Variants in BRD2 observed in about 807,000 individuals in gnomAD.
The protein encoded by BRD2 is bromodomain-containing protein 2.
Under a neutral mutation model 79.1 loss-of-function variants are expected in BRD2, and 15 were observed. The observed-to-expected ratio is 0.19, with a 90% CI of 0.13 to 0.29. The LOEUF (loss-of-function observed/expected upper bound fraction) is 0.29, where lower values mean the gene tolerates loss of function less well. BRD2 is among the 10% of genes least tolerant of loss of function. The pLI is 1.00. For synonymous variants in BRD2, 488 were observed against 358.6 expected, an observed-to-expected ratio of 1.36 and a Z score of -4.08; for missense variants, 1,053 against 991.3, an observed-to-expected ratio of 1.06 and a Z score of -0.84.
intron 1 of BRD2, among the ~76,000 whole-genome samples, chr6:32,969,648 G>A (rs746519551): frequency 1.6e-4 from 25 of 152,236 alleles, no homozygotes; most frequent in Admixed American, 4.6e-4. Context: ...GGCCTGTGGG[G>A]CCTTTTGCCC....
At chr6:32,976,983 C>A in intron 7 of BRD2, 47 bp downstream of exon 7, 1 of 1,555,406 alleles carries the variant, frequency 6.4e-7, no homozygotes, top group South Asian at 1.2e-5. Context: ...GTGATGGGAG[C>A]CTAGGTGCAA....
chr6:32,978,747 C>T (rs916658840), intron 10 of BRD2: 8 of 291,788 alleles, frequency 2.7e-5, no homozygotes, highest in Middle Eastern at 1.0e-3. Context: ...GCCCACATGC[C>T]GGCTGTTCAC....
chr6:32,970,921 GCCT>G (rs1360520000), intron 1 of BRD2: 2 of 150,538 alleles, frequency 1.3e-5, no homozygotes, highest in Non-Finnish European at 2.9e-5. Flanking sequence ...CGCAGCCGCC[GCCT>G]CCTCCGCTCG....
intron 8 of BRD2, 76 bp from the exon 9 acceptor site, chr6:32,977,681 G>A (rs1053864295): frequency 1.2e-6 from 2 of 1,603,634 alleles, no homozygotes; most frequent in African/African-American, 1.3e-5. Flanking sequence ...GTTGTAAATT[G>A]GAGCTATATC....
Position 32,969,331 on chromosome 6 carries a change from G to T in BRD2, c.-1305+275G>T, listed in dbSNP as rs890288990. 4 of 716,716 alleles carry T rather than the reference G, an allele frequency of 5.6e-6. No homozygotes were observed. In the African/African-American group the frequency reaches 7.0e-5, roughly 13 times the overall value. The allele number at this position is 716,716 out of a possible 1,614,324, so 44.4% of individuals were successfully genotyped here. On this transcript the variant is annotated intron_variant, in intron 1 of 12. Transcript: ENST00000374825. Reference sequence around the variant, plus strand: ...CCCCCCTATTCCATTCGTCCCCTGGGGGTACAGCAGCCGGGAGCCAGGTGA... The same window carrying T: ...CCCCCCTATTCCATTCGTCCCCTGGTGGTACAGCAGCCGGGAGCCAGGTGA...
Position 32,976,543 on chromosome 6 carries a change from A to G in BRD2, c.826-19A>G, listed in dbSNP as rs565899446. The G allele has an allele frequency of 4.4e-6, 7 of 1,591,536 alleles. No homozygotes were observed. Among genetic ancestry groups the G allele is most frequent in the African/African-American group, 2.7e-5 (2 of 74,570 alleles). On this transcript the variant is annotated intron_variant, in intron 6 of 12. Coordinates refer to ENST00000374825, the MANE Select transcript of BRD2 (RefSeq NM_005104.4). ...GTGGGCTTGGAGTGACAGGTTCCCT[A>G]TCTTGTTTCTTTCTGCAGAAAAAAG...
At position 32,972,194 on chromosome 6, in the gene BRD2, C is replaced by T. The variant is rs1201553020; in HGVS notation, c.-705C>T. ...TATAAAGGGCTGGCGCGGGGCTCGG[C>T]GGCGCCATTTCGTGCTGGAGTGGAG... On this transcript the variant is annotated 5_prime_UTR_variant, in exon 2 of 13. Coordinates refer to ENST00000374825, the MANE Select transcript of BRD2 (RefSeq NM_005104.4). The T allele has an allele frequency of 9.1e-6, 5 of 550,352 alleles. No homozygotes were observed. Among genetic ancestry groups the T allele is most frequent in the Admixed American group, 8.8e-5 (3 of 34,230 alleles). The allele number at this position is 550,352 out of a possible 1,614,324, so 34.1% of individuals were successfully genotyped here. A position where few individuals can be genotyped will look rare whatever the true frequency, so the allele number is the denominator to read the frequency against.
Position 32,980,597 on chromosome 6 carries a change from A to G in BRD2, c.2285A>G (p.Glu762Gly), listed in dbSNP as rs149549323. The G allele has an allele frequency of 3.0e-5, 49 of 1,613,040 alleles. No individual in the cohort carries two copies. The highest frequency in any genetic ancestry group is 4.0e-5 in the Non-Finnish European group (47 of 1,180,052). ...KPPKKANEKT[E>G]SSSAQQVAVS... ...TGTTCTGCAGCGAATGAGAAAACAG[A>G]GTCATCCTCTGCACAGCAAGTAGCA... Residue 762 changes from glutamate (E) to glycine (G), a missense_variant, in exon 13 of 13, where the codon GAG becomes GGG. Physicochemically the swap from Glu to Gly is moderately conservative, Grantham distance 98. Around this residue, in one of 5 missense-constraint regions of BRD2, gnomAD observed 139 missense variants for 133.2 expected, o/e 1.04. Coordinates refer to ENST00000374825, the MANE Select transcript of BRD2 (RefSeq NM_005104.4).
Position 32,972,066 on chromosome 6 carries a change from G to C in BRD2, c.-833G>C, listed in dbSNP as rs922465441. The C allele has an allele frequency of 3.3e-5, 23 of 699,104 alleles. No individual in the cohort carries two copies. The highest frequency in any genetic ancestry group is 3.2e-4 in the Admixed American group (16 of 49,562). 43.3% of individuals were successfully genotyped at this position (699,104 alleles called of 1,614,324 possible). A position where few individuals can be genotyped will look rare whatever the true frequency, so the allele number is the denominator to read the frequency against. On this transcript the variant is annotated 5_prime_UTR_variant, in exon 2 of 13. Transcript: ENST00000374825. Reference sequence around the variant, plus strand: ...GAGGTGTTCCTTCCCCTTCGACTCAGCTTCTTCACCCGCGTGAGCGAGCGC... The same window carrying C: ...GAGGTGTTCCTTCCCCTTCGACTCACCTTCTTCACCCGCGTGAGCGAGCGC...
chr6:32,976,634 G>T lies in BRD2; in HGVS notation c.898G>T (p.Ala300Ser), dbSNP rs1260256848. ...AGCCATCTTGGCTCCTGGTTCTCCA[G>T]CTAGCCCTCCTGGGAGTCTTGAGCC... ...PTAILAPGSP[A>S]SPPGSLEPKA... The change falls in exon 7 of 13, where the codon GCT (alanine) becomes TCT (serine). Residue 300 changes from alanine (A) to serine (S), a missense_variant. Ala to Ser is a moderately conservative substitution (Grantham distance 99). Transcript: ENST00000374825. The T allele has an allele frequency of 9.3e-6, 15 of 1,612,070 alleles. No individual in the cohort carries two copies. Among genetic ancestry groups the T allele is most frequent in the Non-Finnish European group, 1.1e-5 (13 of 1,179,806 alleles).
Position 32,976,482 on chromosome 6 carries a change from C to G in BRD2, c.825+18C>G. 3.1e-6 allele frequency: 5 copies of G among 1,605,748 alleles called. No individual in the cohort carries two copies. Among genetic ancestry groups the G allele is most frequent in the Non-Finnish European group, 4.2e-6 (5 of 1,179,054 alleles). On this transcript the variant is annotated intron_variant, in intron 6 of 12. Transcript: ENST00000374825. ...TTGCCAAGGTATGATCTGTGGATTTCCTCTGGGCAGCAGGGAGGCAAGGGT... is the reference window on the plus strand; with the variant it reads ...TTGCCAAGGTATGATCTGTGGATTTGCTCTGGGCAGCAGGGAGGCAAGGGT...
At chr6:32,977,024 C>T (rs1158507262) in intron 7 of BRD2, 88 bp downstream of exon 7, 4 of 1,474,122 alleles carry the variant, frequency 2.7e-6, no homozygotes, top group East Asian at 4.6e-5. Context: ...GGGCACACAG[C>T]AGTCTTTGGT....
In BRD2 at chr6:32,976,896, A is replaced by G. The variant is rs755040917; in HGVS notation, c.1160A>G (p.His387Arg). ...TCTGCACTTGGCCTGCATGACTACC[A>G]TGACATCATTAAGCACCCCATGGAC... is the stretch of plus-strand genomic sequence containing the variant. The part of the protein sequence containing the change: ...DASALGLHDY[H>R]DIIKHPMDLS... The change falls in exon 7 of 13, where the codon CAT becomes CGT. Residue 387 changes from histidine (H) to arginine (R), a missense_variant. Physicochemically the swap from His to Arg is conservative, Grantham distance 29. This residue lies in a region of BRD2 where 454 missense variants were observed against 430.5 expected (regional missense o/e 1.05). Coordinates refer to ENST00000374825, the MANE Select transcript of BRD2 (RefSeq NM_005104.4). The G allele has an allele frequency of 1.2e-6, 2 of 1,612,990 alleles. No individual in the cohort carries two copies. Among genetic ancestry groups the G allele is most frequent in the Non-Finnish European group, 1.7e-6 (2 of 1,179,946 alleles).
chr6:32,972,572 C>A lies in BRD2; in HGVS notation c.-327C>A. 1 of 491,734 alleles carries A rather than the reference C, an allele frequency of 2.0e-6. No individual in the cohort carries two copies. The highest frequency in any genetic ancestry group is 3.6e-6 in the Non-Finnish European group (1 of 275,152). The allele number at this position is 491,734 out of a possible 1,614,324, so 30.5% of individuals were successfully genotyped here. A position where few individuals can be genotyped will look rare whatever the true frequency, so the allele number is the denominator to read the frequency against. ...ACAAGAAGAGGGAATCCCTGCAGAC[C>A]AACAGCGGGCTATATTGACGACGGT... is the stretch of plus-strand genomic sequence containing the variant. On this transcript the variant is annotated 5_prime_UTR_variant, in exon 2 of 13. Transcript: ENST00000374825.
chr6:32,969,174 C>A, intron 1 of BRD2, 118 bp downstream of exon 1: 1 of 553,554 alleles, frequency 1.8e-6, no homozygotes, highest in Non-Finnish European at 3.3e-6. Flanking sequence ...AAGATTTGTC[C>A]TTCAAACCTT....
At chr6:32,973,011 A>C (rs931370114) in intron 2 of BRD2, 84 bp downstream of exon 2, 119 of 1,613,098 alleles carry the variant, frequency 7.4e-5, no homozygotes, top group Non-Finnish European at 9.7e-5. Flanking sequence ...GGGAGTACTG[A>C]GCGGCCCCGG....
Position 32,972,099 on chromosome 6 carries a change from CG to C in BRD2, c.-798del, listed in dbSNP as rs1561923244. 1.4e-6 allele frequency: 1 copy of C among 690,550 alleles called. No individual in the cohort carries two copies. Among genetic ancestry groups the C allele is most frequent in the Non-Finnish European group, 2.6e-6 (1 of 378,512 alleles). The allele number at this position is 690,550 out of a possible 1,614,324, so 42.8% of individuals were successfully genotyped here. On this transcript the variant is annotated 5_prime_UTR_variant, in exon 2 of 13. It introduces an in-frame stop codon into an upstream open reading frame of the 5' UTR. Transcript: ENST00000374825. ...ACCCGCGTGAGCGAGCGCGCGCGCG[CG>C]GAGGGGGTGGGGAAAAGCTCAAGCA...
rs757471861 is a variant in BRD2 at position 32,980,394 on chromosome 6, G to A, written c.2199G>A (p.Lys733=). The A allele has an allele frequency of 1.2e-6, 2 of 1,613,100 alleles. No individual in the cohort carries two copies. The highest frequency in any genetic ancestry group is 2.2e-5 in the South Asian group (2 of 91,086). Residue 733 remains lysine (K), a synonymous_variant, in exon 12 of 13, where the codon AAG becomes AAA. Coordinates refer to ENST00000374825, the MANE Select transcript of BRD2 (RefSeq NM_005104.4). ...AGGAGGAACTGGCTTTGGAGAAAAA[G>A]CGGGAATTAGAAAAGCGGTTACAAG... ...KTKEELALEK[K]RELEKRLQDV...
chr6:32,980,364 G>A lies in BRD2; in HGVS notation c.2169G>A (p.Lys723=), dbSNP rs1385210048. The change falls in exon 12 of 13, where the codon AAG becomes AAA. Residue 723 remains lysine, a synonymous_variant. Transcript: ENST00000374825. ...KPYTIKKPVG[K]TKEELALEKK... ...TAGCCATTAAGAAGCCTGTGGGAAA[G>A]ACAAAGGAGGAACTGGCTTTGGAGA... 1 of 1,613,048 alleles carries A rather than the reference G, an allele frequency of 6.2e-7. No homozygotes were observed. Among genetic ancestry groups the A allele is most frequent in the African/African-American group, 1.3e-5 (1 of 75,026 alleles).
Sources: allele counts gnomAD v4.1 joint callset (sites outside exome capture counted in the v4.1 genomes callset), GRCh38; gene constraint gnomAD v4.1.1; regional missense constraint gnomAD v4.1.1; transcripts MANE v1.5; gene names NCBI Gene and HGNC (gene_info 2026-07-23, HGNC 2026-07-21).